The following ANKS1B variants were observed in gnomAD, a reference collection of about 807,000 sequenced individuals.
ANKS1B encodes the protein ankyrin repeat and sterile alpha motif domain-containing protein 1B.
In ANKS1B, 36 loss-of-function variants were observed where a neutral mutation model predicts 148.3. The observed-to-expected ratio is 0.24, with a 90% CI of 0.19 to 0.32. ANKS1B has a LOEUF of 0.32. Among genes scored for constraint, ANKS1B ranks in the 10% least tolerant of loss-of-function variants. The pLI is 1.00. For missense variants in ANKS1B, 1,157 were observed against 1,542.6 expected (o/e 0.75, Z 4.19); for synonymous variants, 542 against 560.8 (o/e 0.97, Z 0.47).
At chr12:99,843,568 C>T (rs2086120377) in intron 1 of ANKS1B, among the ~76,000 whole-genome samples, 1 of 152,102 alleles carries the variant, frequency 6.6e-6, no homozygotes, top group South Asian at 2.1e-4. Context: ...CCATCCATGT[C>T]CCTGCAAAGG....
chr12:98,907,098 T>G (rs78457613), intron 17 of ANKS1B, among the ~76,000 whole-genome samples: 1 of 151,948 alleles, frequency 6.6e-6, no homozygotes, highest in East Asian at 1.9e-4. Flanking sequence ...ATTTCAAGTA[T>G]ACAATACATT....
intron 8 of ANKS1B, chr12:99,706,593 C>T (rs562421431): frequency 2.6e-5 from 4 of 152,166 alleles, no homozygotes; most frequent in African/African-American, 9.6e-5. Context: ...GTGTAATCCC[C>T]TCCCCTTGAG....
intron 10 of ANKS1B, among the ~76,000 whole-genome samples, chr12:99,456,662 G>A (rs1164208332): frequency 6.6e-6 from 1 of 151,758 alleles, no homozygotes; most frequent in African/African-American, 2.4e-5. Context: ...ACAAGTAGAA[G>A]AAAAAAACTT....
Position 99,154,399 on chromosome 12 carries a change from T to C in ANKS1B, c.2420-4A>G, listed in dbSNP as rs1201271489. 2.5e-6 allele frequency: 4 copies of C among 1,613,598 alleles called. No homozygotes were observed. The highest frequency in any genetic ancestry group is 3.3e-5 in the Admixed American group (2 of 59,964). On this transcript the variant is annotated splice_region_variant and splice_polypyrimidine_tract_variant and intron_variant, in intron 14 of 26. Transcript: ENST00000683438. ...GTTTGGACAGGGCATCTGGGTCCTG[T>C]AAGAGGATGAAGAGGGAAGCGTTTA...
At chr12:98,918,102 A>C (rs2099796808) in intron 17 of ANKS1B, among the ~76,000 whole-genome samples, 1 of 152,232 alleles carries the variant, frequency 6.6e-6, no homozygotes, top group South Asian at 2.1e-4. Context: ...CTACCATGTC[A>C]ATAGTTCCTG....
intron 1 of ANKS1B, among the ~76,000 whole-genome samples, chr12:99,954,253 AC>A (rs2095278213): frequency 6.6e-6 from 1 of 152,216 alleles, no homozygotes; most frequent in Non-Finnish European, 1.5e-5. Context: ...GAAAAAGAAA[AC>A]TAATAAATCT....
chr12:98,842,867 C>T (rs1043273076), intron 17 of ANKS1B, among the ~76,000 whole-genome samples: 34 of 152,198 alleles, frequency 2.2e-4, no homozygotes, highest in African/African-American at 8.0e-4. Flanking sequence ...ATTATAAGTG[C>T]ACAATACAGT....
intron 8 of ANKS1B, among the ~76,000 whole-genome samples, chr12:99,757,373 C>T (rs768833096): frequency 5.9e-5 from 9 of 151,858 alleles, no homozygotes; most frequent in Admixed American, 1.3e-4. Context: ...ATTAGAGAAA[C>T]ACAAACCAAA....
At chr12:99,960,097 G>A (rs1242052995) in intron 1 of ANKS1B, among the ~76,000 whole-genome samples, 1 of 152,194 alleles carries the variant, frequency 6.6e-6, no homozygotes, top group East Asian at 1.9e-4. Context: ...TGAGCAAAAT[G>A]TGTGCTATAT....
At chr12:99,265,016 T>G (rs750072893) in intron 12 of ANKS1B, among the ~76,000 whole-genome samples, 1 of 152,202 alleles carries the variant, frequency 6.6e-6, no homozygotes, top group Non-Finnish European at 1.5e-5. Flanking sequence ...CTGGCCAATA[T>G]GGTAACCACT....
At chr12:99,412,973 A>G (rs2152681163) in intron 11 of ANKS1B, among the ~76,000 whole-genome samples, 1 of 152,360 alleles carries the variant, frequency 6.6e-6, no homozygotes, top group Middle Eastern at 3.4e-3. Flanking sequence ...TGTTAATGTG[A>G]TCAAGACTTG....
intron 17 of ANKS1B, among the ~76,000 whole-genome samples, chr12:98,991,855 C>A (rs546896321): frequency 6.6e-6 from 1 of 152,130 alleles, no homozygotes; most frequent in African/African-American, 2.4e-5. Flanking sequence ...TACACACACA[C>A]AAAATTTAAC....
At chr12:99,046,956 A>G (rs1330083926) in intron 17 of ANKS1B, among the ~76,000 whole-genome samples, 1 of 152,238 alleles carries the variant, frequency 6.6e-6, no homozygotes, top group Non-Finnish European at 1.5e-5. Context: ...TTAAAGACAT[A>G]GCAATAGAAA....
intron 8 of ANKS1B, among the ~76,000 whole-genome samples, chr12:99,730,354 A>G (rs1181054465): frequency 1.3e-5 from 2 of 152,148 alleles, no homozygotes; most frequent in African/African-American, 4.8e-5. Flanking sequence ...AGGGTGGCAG[A>G]CAATTGCACA....
intron 1 of ANKS1B, among the ~76,000 whole-genome samples, chr12:99,867,949 T>C (rs1603403648): frequency 6.6e-6 from 1 of 152,166 alleles, no homozygotes; most frequent in African/African-American, 2.4e-5. Context: ...TCCTGCGATA[T>C]ATAGAAAGGA....
chr12:99,304,639 T>A (rs190458789), intron 12 of ANKS1B, among the ~76,000 whole-genome samples: 1 of 152,156 alleles, frequency 6.6e-6, no homozygotes, highest in Non-Finnish European at 1.5e-5. Flanking sequence ...ATTCTAATGA[T>A]GCACATTTTC....
At chr12:99,735,080 T>C (rs897798458) in intron 8 of ANKS1B, among the ~76,000 whole-genome samples, 1 of 152,174 alleles carries the variant, frequency 6.6e-6, no homozygotes, top group Admixed American at 6.6e-5. Context: ...TTATTACTAT[T>C]TTGCTCTTAT....
chr12:99,732,821 A>G (rs902829558), intron 8 of ANKS1B, among the ~76,000 whole-genome samples: 4 of 152,208 alleles, frequency 2.6e-5, no homozygotes, highest in African/African-American at 9.6e-5. Context: ...ATCAAGACAG[A>G]GACACTGTCT....
In ANKS1B at chr12:99,480,903, T is replaced by A. The variant is rs547107691; in HGVS notation, c.1438+23573A>T. Among the ~76,000 whole-genome samples, 184 of 151,984 alleles carry A rather than the reference T, an allele frequency of 1.2e-3. 1 individual carries two copies. The highest frequency in any genetic ancestry group is 8.3e-3 in the South Asian group (40 of 4,834). Reference sequence around the variant, plus strand: ...TTTGGAACCTAATCCATTTTATAGCTGGCAAAAATTACAAGCTCAAATCCT... The same window carrying A: ...TTTGGAACCTAATCCATTTTATAGCAGGCAAAAATTACAAGCTCAAATCCT... On this transcript the variant is annotated intron_variant, in intron 10 of 26. Transcript: ENST00000683438.
Sources: gnomAD v4.1 joint callset for allele counts (sites outside exome capture counted in the v4.1 genomes callset) on GRCh38, gnomAD v4.1.1 for gene constraint, MANE v1.5 for transcripts, NCBI Gene and HGNC (gene_info 2026-07-23, HGNC 2026-07-21) for gene names.